Variants in DGKI observed in about 807,000 individuals in gnomAD.
DGKI encodes DAG kinase iota.
Under a neutral mutation model 147.5 loss-of-function variants are expected in DGKI, and 55 were observed. The ratio of observed to expected loss-of-function variants is 0.37; its 90% CI spans 0.30 to 0.47. The LOEUF (loss-of-function observed/expected upper bound fraction) is 0.47. Among genes scored for constraint, DGKI ranks in the 20% least tolerant of loss-of-function variants. DGKI has a pLI of 1.00. For synonymous variants in DGKI, 469 were observed against 477.1 expected (o/e 0.98, Z 0.22); for missense variants, 1,007 against 1,323.8 (o/e 0.76, Z 3.71).
chr7:137,588,062 G>A (rs1169127241), intron 12 of DGKI, among the ~76,000 whole-genome samples: 1 of 152,146 alleles, frequency 6.6e-6, no homozygotes, highest in African/African-American at 2.4e-5. Flanking sequence ...GTAACTGTAG[G>A]TTAACATAGA....
chr7:137,431,003 A>C (rs556430585), intron 28 of DGKI, among the ~76,000 whole-genome samples: 13 of 152,114 alleles, frequency 8.5e-5, no homozygotes, highest in Non-Finnish European at 1.5e-4. Context: ...ATATCCTCAC[A>C]CAAGTCTACC....
chr7:137,475,512 C>A (rs983431513), intron 23 of DGKI, among the ~76,000 whole-genome samples: 1 of 152,200 alleles, frequency 6.6e-6, no homozygotes, highest in Non-Finnish European at 1.5e-5. Context: ...TTAGTTTCAC[C>A]AAAATTAACG....
At chr7:137,750,984 G>A (rs1389712229) in intron 1 of DGKI, among the ~76,000 whole-genome samples, 1 of 152,126 alleles carries the variant, frequency 6.6e-6, no homozygotes, top group Non-Finnish European at 1.5e-5. Context: ...CTTTTCAGCT[G>A]CAAAATGAGC....
chr7:137,682,317 A>G (rs576583609), intron 2 of DGKI, among the ~76,000 whole-genome samples: 48 of 152,254 alleles, frequency 3.2e-4, no homozygotes, highest in African/African-American at 1.1e-3. Flanking sequence ...CTCCAGCTCC[A>G]TATTAATCAA....
chr7:137,552,571 A>G lies in DGKI; in HGVS notation c.1948-3T>C, dbSNP rs1313551816. 1.2e-6 allele frequency: 2 copies of G among 1,613,870 alleles called. No homozygotes were observed. Among genetic ancestry groups the G allele is most frequent in the Non-Finnish European group, 1.7e-6 (2 of 1,179,914 alleles). On this transcript the variant is annotated splice_region_variant and splice_polypyrimidine_tract_variant and intron_variant, in intron 19 of 32. Transcript: ENST00000614521. Reference sequence around the variant, plus strand: ...TGGCCCCCAACTTGCAGGGCTGCCTATAAAAACAAGAGTCAAAGGGGAGCA... The same window carrying G: ...TGGCCCCCAACTTGCAGGGCTGCCTGTAAAAACAAGAGTCAAAGGGGAGCA...
At chr7:137,789,624 AAC>A (rs1446659138) in intron 1 of DGKI, among the ~76,000 whole-genome samples, 1 of 152,218 alleles carries the variant, frequency 6.6e-6, no homozygotes, top group African/African-American at 2.4e-5. Flanking sequence ...AGGAAAAAAA[AAC>A]ACACAAAACA....
intron 27 of DGKI, among the ~76,000 whole-genome samples, chr7:137,447,201 C>A (rs117897761): frequency 0.013 from 2,051 of 152,190 alleles, 21 homozygotes; most frequent in Non-Finnish European, 0.021. Flanking sequence ...TCCTACTAAG[C>A]CTAAATCATT....
intron 20 of DGKI, among the ~76,000 whole-genome samples, chr7:137,540,750 T>G: frequency 5.8e-5 from 1 of 17,204 alleles, no homozygotes; most frequent in Non-Finnish European, 1.3e-4. Flanking sequence ...ACAAACATTT[T>G]AAAAACCCCC....
intron 26 of DGKI, among the ~76,000 whole-genome samples, chr7:137,465,572 G>A (rs1347652225): frequency 5.9e-5 from 9 of 152,148 alleles, no homozygotes; most frequent in Admixed American, 5.2e-4. Flanking sequence ...AGAGGAAGAG[G>A]AGAAAATTTG....
At chr7:137,725,564 A>T (rs568954605) in intron 1 of DGKI, among the ~76,000 whole-genome samples, 6 of 151,280 alleles carry the variant, frequency 4.0e-5, no homozygotes, top group African/African-American at 1.5e-4. Context: ...AGGCATTTCT[A>T]TTTCAAATCA....
chr7:137,503,390 T>C (rs1816252478), intron 21 of DGKI, among the ~76,000 whole-genome samples: 1 of 152,170 alleles, frequency 6.6e-6, no homozygotes, highest in Non-Finnish European at 1.5e-5. Flanking sequence ...TTTCCAATAC[T>C]GAACTGAAGA....
At chr7:137,561,236 T>G (rs995128576) in intron 19 of DGKI, among the ~76,000 whole-genome samples, 1 of 152,174 alleles carries the variant, frequency 6.6e-6, no homozygotes, top group African/African-American at 2.4e-5. Context: ...GGAATATTAT[T>G]CAGCCATTAA....
At chr7:137,809,866 T>G (rs1011750917) in intron 1 of DGKI, among the ~76,000 whole-genome samples, 2 of 151,568 alleles carry the variant, frequency 1.3e-5, no homozygotes, top group Non-Finnish European at 2.9e-5. Context: ...ATCGCACCAC[T>G]GCACTCTAGC....
At chr7:137,629,973 T>C (rs536777017) in intron 6 of DGKI, among the ~76,000 whole-genome samples, 2 of 152,318 alleles carry the variant, frequency 1.3e-5, no homozygotes, top group African/African-American at 2.4e-5. Flanking sequence ...AAATTTTCTA[T>C]ACAAATTTTA....
At chr7:137,486,222 T>C (rs2128935915) in intron 22 of DGKI, among the ~76,000 whole-genome samples, 1 of 152,242 alleles carries the variant, frequency 6.6e-6, no homozygotes, top group Non-Finnish European at 1.5e-5. Flanking sequence ...ATCCTACTTT[T>C]AGTTGAATAT....
intron 28 of DGKI, among the ~76,000 whole-genome samples, chr7:137,442,331 C>T (rs907678955): frequency 1.3e-5 from 2 of 152,094 alleles, no homozygotes; most frequent in Non-Finnish European, 2.9e-5. Flanking sequence ...TGACATATGC[C>T]CCCTATTATT....
At chr7:137,539,511 C>A (rs1817620536) in intron 20 of DGKI, among the ~76,000 whole-genome samples, 1 of 152,010 alleles carries the variant, frequency 6.6e-6, no homozygotes, top group African/African-American at 2.4e-5. Flanking sequence ...GAACTCCACC[C>A]AGATCCCATA....
intron 6 of DGKI, among the ~76,000 whole-genome samples, chr7:137,638,120 G>T (rs1030580322): frequency 6.6e-6 from 1 of 152,000 alleles, no homozygotes; most frequent in Non-Finnish European, 1.5e-5. Flanking sequence ...CTGCCCTAGG[G>T]AATCCCAGTG....
chr7:137,717,175 G>A (rs1025237724), intron 1 of DGKI, among the ~76,000 whole-genome samples: 1 of 152,198 alleles, frequency 6.6e-6, no homozygotes, highest in African/African-American at 2.4e-5. Flanking sequence ...AAGAAATGTT[G>A]CCCTGTACAC....
Sources: gnomAD v4.1 joint callset for allele counts (sites outside exome capture counted in the v4.1 genomes callset) on GRCh38, gnomAD v4.1.1 for gene constraint, MANE v1.5 for transcripts, NCBI Gene and HGNC (gene_info 2026-07-23, HGNC 2026-07-21) for gene names.